Variants in FRMPD4 observed in about 807,000 individuals in gnomAD.
FRMPD4 encodes FERM and PDZ domain containing 4.
A neutral mutation model predicts 94.1 loss-of-function variants in FRMPD4; 22 were observed. The ratio of observed to expected loss-of-function variants is 0.23; its 90% CI spans 0.17 to 0.33. The LOEUF is 0.33. Among genes scored for constraint, FRMPD4 ranks in the 10% least tolerant of loss-of-function variants. FRMPD4 has a pLI of 1.00. For synonymous variants in FRMPD4, 631 were observed against 548.6 expected, an observed-to-expected ratio of 1.15 and a Z score of -2.10; for missense variants, 1,111 against 1,339.9, an observed-to-expected ratio of 0.83 and a Z score of 2.67.
intron 1 of FRMPD4, among the ~76,000 whole-genome samples, chrX:12,411,023 GA>G (rs2056726489): frequency 8.9e-6 from 1 of 111,868 alleles, no homozygotes; most frequent in African/African-American, 3.2e-5. Context: ...TTTTGACTCA[GA>G]ATCACTGATG....
intron 3 of FRMPD4, among the ~76,000 whole-genome samples, chrX:12,009,685 T>C (rs763919804): frequency 3.6e-5 from 4 of 111,814 alleles, no homozygotes; most frequent in Admixed American, 2.8e-4. Context: ...CAACTTGAAG[T>C]TGATAGCTTT....
At chrX:12,012,302 T>C (rs763859498) in intron 3 of FRMPD4, among the ~76,000 whole-genome samples, 4 of 112,107 alleles carry the variant, frequency 3.6e-5, no homozygotes, top group Non-Finnish European at 7.5e-5. Context: ...TCTTTTTTTC[T>C]GATCTTAGGT....
Position 12,444,122 on chromosome X carries a change from A to G in FRMPD4, c.42-54558A>G, listed in dbSNP as rs925662962. Among the ~76,000 whole-genome samples, 4 of 110,319 alleles carry G rather than the reference A, an allele frequency of 3.6e-5. No homozygotes were observed. In the East Asian group the frequency reaches 1.1e-3, roughly 31 times the overall value. ...CCATCCCCTGATTTCAGAGAGATGTAGGGTTTTCATTCTCCTGTAGGGAGA... is the reference window on the plus strand; with the variant it reads ...CCATCCCCTGATTTCAGAGAGATGTGGGGTTTTCATTCTCCTGTAGGGAGA... On this transcript the variant is annotated intron_variant, in intron 1 of 16. Transcript: ENST00000675598.
chrX:11,922,916 T>C (rs1381132998), intron 3 of FRMPD4, among the ~76,000 whole-genome samples: 1 of 112,816 alleles, frequency 8.9e-6, no homozygotes, highest in Non-Finnish European at 1.9e-5. Flanking sequence ...CACCCCTTGG[T>C]CTGCTGGCCT....
At chrX:12,486,686 T>A (rs912163284) in intron 1 of FRMPD4, among the ~76,000 whole-genome samples, 3 of 112,714 alleles carry the variant, frequency 2.7e-5, no homozygotes, top group African/African-American at 9.7e-5. Context: ...ATTGTCTTCT[T>A]AGTGTTTTCA....
intron 1 of FRMPD4, among the ~76,000 whole-genome samples, chrX:12,428,608 G>C (rs955446108): frequency 2.7e-5 from 3 of 111,188 alleles, no homozygotes; most frequent in Non-Finnish European, 5.7e-5. Context: ...TTCATCTTCT[G>C]CTTAGGTTTA....
chrX:12,333,197 A>T (rs1481658097), intron 1 of FRMPD4, among the ~76,000 whole-genome samples: 1 of 112,335 alleles, frequency 8.9e-6, no homozygotes, highest in African/African-American at 3.2e-5. Flanking sequence ...CCATATGCAC[A>T]AACTCTAGAA....
intron 1 of FRMPD4, among the ~76,000 whole-genome samples, chrX:12,496,972 G>A (rs779157396): frequency 5.4e-5 from 6 of 111,243 alleles, no homozygotes; most frequent in East Asian, 2.8e-4. Flanking sequence ...CCTCCAACTC[G>A]TTATTATAAT....
At chrX:12,458,875 G>A (rs931766490) in intron 1 of FRMPD4, among the ~76,000 whole-genome samples, 3 of 111,048 alleles carry the variant, frequency 2.7e-5, no homozygotes, top group African/African-American at 9.8e-5. Context: ...AATGAATACA[G>A]TGTTCCAAAC....
rs762154606 is a variant in FRMPD4 at position 12,431,816 on chromosome X, T to C, written c.42-66864T>C. On this transcript the variant is annotated intron_variant, in intron 1 of 16. Coordinates refer to ENST00000675598, the MANE Select transcript of FRMPD4 (RefSeq NM_001368397.1). ...CTGTTAAGAAGCAATTTTTACTTGC[T>C]TTGGTTCACATCAGTTCATTTTAAA... Among the ~76,000 whole-genome samples, 9 of 112,697 alleles carry C rather than the reference T, an allele frequency of 8.0e-5. No homozygotes were observed. The South Asian group carries it at 3.3e-3, about 42-fold the overall frequency.
Position 12,090,059 on chromosome X carries a change from G to T in FRMPD4, c.95+212041G>T, listed in dbSNP as rs1436009982. Among the ~76,000 whole-genome samples the T allele has an allele frequency of 3.6e-5, 4 of 111,622 alleles. No homozygotes were observed. In the East Asian group the frequency reaches 1.1e-3, roughly 32 times the overall value. On this transcript the variant is annotated intron_variant, in intron 3 of 18. Coordinates refer to the FRMPD4 transcript ENST00000640291. The stretch of plus-strand genomic sequence containing the variant: ...AAAGAAGTATCTAAGCTGATACCTG[G>T]AGAATAGATAAGAATTGGAGAAACA...
chrX:12,423,437 A>G (rs2056909933), intron 1 of FRMPD4, among the ~76,000 whole-genome samples: 2 of 111,170 alleles, frequency 1.8e-5, no homozygotes, highest in Middle Eastern at 4.6e-3. Context: ...GGGAAGGAAA[A>G]CAAATGAGTG....
At position 11,862,657 on chromosome X, in the gene FRMPD4, G is replaced by A. The variant is rs369970333; in HGVS notation, c.-160-2429G>A. 7.2e-5 allele frequency among the ~76,000 whole-genome samples: 8 copies of A among 110,573 alleles called. No homozygotes were observed. In the East Asian group the frequency reaches 1.7e-3, roughly 24 times the overall value. On this transcript the variant is annotated intron_variant, in intron 1 of 18. Coordinates refer to the FRMPD4 transcript ENST00000640291. ...GGGATACTAACATGCACTGTCCCAG[G>A]AGACAGACCCCTTCCTTGGCTGAGC...
intron 1 of FRMPD4, among the ~76,000 whole-genome samples, chrX:12,477,243 G>C (rs189117157): frequency 9.0e-6 from 1 of 111,095 alleles, no homozygotes; most frequent in Non-Finnish European, 1.9e-5. Flanking sequence ...CTCGTAGGTG[G>C]GGATTGTATA....
At chrX:12,476,216 G>A (rs1345206305) in intron 1 of FRMPD4, among the ~76,000 whole-genome samples, 13 of 112,006 alleles carry the variant, frequency 1.2e-4, no homozygotes, top group East Asian at 8.4e-4. Flanking sequence ...AATGGGGAAA[G>A]GACTGCCTAT....
At chrX:11,842,047 C>G (rs1362094564) in intron 1 of FRMPD4, among the ~76,000 whole-genome samples, 1 of 109,732 alleles carries the variant, frequency 9.1e-6, no homozygotes, top group African/African-American at 3.4e-5. Flanking sequence ...TGTCAAAGAT[C>G]AGATAGTTGT....
chrX:12,181,920 T>G (rs955293355), intron 1 of FRMPD4, among the ~76,000 whole-genome samples: 4 of 111,568 alleles, frequency 3.6e-5, no homozygotes, highest in Admixed American at 1.9e-4. Flanking sequence ...CTTTAAGGCT[T>G]TTGTTTTTAA....
intron 4 of FRMPD4, among the ~76,000 whole-genome samples, chrX:12,621,152 C>A (rs753573826): frequency 6.3e-5 from 7 of 111,910 alleles, no homozygotes; most frequent in Non-Finnish European, 1.3e-4. Context: ...ATCGCTTGAA[C>A]CCAGGAGGCA....
chrX:12,483,695 A>G (rs1311617268), intron 1 of FRMPD4, among the ~76,000 whole-genome samples: 1 of 111,942 alleles, frequency 8.9e-6, no homozygotes, highest in Non-Finnish European at 1.9e-5. Context: ...CAGAAGTTTT[A>G]CTGTATTATT....
Sources: gnomAD v4.1 joint callset for allele counts (sites outside exome capture counted in the v4.1 genomes callset) on GRCh38, gnomAD v4.1.1 for gene constraint, MANE v1.5 for transcripts, NCBI Gene and HGNC (gene_info 2026-07-23, HGNC 2026-07-21) for gene names.